The following CD2AP variants were observed in gnomAD, a reference collection of about 807,000 sequenced individuals.
CD2AP encodes CD2-associated protein.
Under a neutral mutation model 85.1 loss-of-function variants are expected in CD2AP, and 46 were observed. The ratio of observed to expected loss-of-function variants is 0.54; its 90% CI spans 0.43 to 0.69. CD2AP has a LOEUF of 0.69. Among genes scored for constraint, CD2AP ranks in the 30% least tolerant of loss-of-function variants. CD2AP has a pLI of 0.00. For missense variants in CD2AP, 769 were observed against 729.5 expected (o/e 1.05, Z -0.62); for synonymous variants, 255 against 252.9 (o/e 1.01, Z -0.08).
chr6:47,540,558 A>T (rs1211054799), intron 3 of CD2AP, among the ~76,000 whole-genome samples: 1 of 152,012 alleles, frequency 6.6e-6, no homozygotes, highest in Non-Finnish European at 1.5e-5. Context: ...CCTTTGATTA[A>T]ATCTTTTTTT....
chr6:47,512,297 G>T (rs1050283823), intron 2 of CD2AP, among the ~76,000 whole-genome samples: 1 of 152,256 alleles, frequency 6.6e-6, no homozygotes, highest in South Asian at 2.1e-4. Flanking sequence ...AGCCGAGATC[G>T]CACCACTGCA....
intron 1 of CD2AP, among the ~76,000 whole-genome samples, chr6:47,494,768 A>C (rs1172917288): frequency 6.6e-6 from 1 of 152,212 alleles, no homozygotes; most frequent in Non-Finnish European, 1.5e-5. Flanking sequence ...CAAGTCATCA[A>C]AATTACCATT....
chr6:47,502,740 C>T (rs1766028587), intron 1 of CD2AP, among the ~76,000 whole-genome samples: 1 of 152,064 alleles, frequency 6.6e-6, no homozygotes, highest in East Asian at 1.9e-4. Context: ...GATCTGCCTG[C>T]CTTGGCCTCC....
At chr6:47,510,485 A>C (rs879663607) in intron 2 of CD2AP, among the ~76,000 whole-genome samples, 2 of 152,134 alleles carry the variant, frequency 1.3e-5, no homozygotes, top group Non-Finnish European at 2.9e-5. Flanking sequence ...TTAAGTGGTT[A>C]AAAAAACAAA....
chr6:47,508,685 C>T (rs1305427500), intron 2 of CD2AP, among the ~76,000 whole-genome samples: 8 of 151,994 alleles, frequency 5.3e-5, no homozygotes, highest in East Asian at 1.9e-4. Context: ...GCTGGGATTA[C>T]AGGGGCGTGC....
intron 10 of CD2AP, among the ~76,000 whole-genome samples, chr6:47,581,693 T>C (rs1562042498): frequency 6.6e-6 from 1 of 152,188 alleles, no homozygotes; most frequent in Non-Finnish European, 1.5e-5. Flanking sequence ...AAGTGTTCAG[T>C]AGTCACATGT....
intron 8 of CD2AP, among the ~76,000 whole-genome samples, chr6:47,578,506 G>A (rs757780070): frequency 6.6e-6 from 1 of 152,142 alleles, no homozygotes; most frequent in African/African-American, 2.4e-5. Context: ...GAACCACTGT[G>A]CCTGGTCAAA....
chr6:47,524,970 A>C (rs112054827), intron 2 of CD2AP, among the ~76,000 whole-genome samples: 294 of 152,254 alleles, frequency 1.9e-3, no homozygotes, highest in African/African-American at 6.9e-3. Flanking sequence ...TTTGAACTTA[A>C]GTGCTTTAGT....
At chr6:47,600,895 A>G (rs1044705353) in intron 13 of CD2AP, among the ~76,000 whole-genome samples, 4 of 151,860 alleles carry the variant, frequency 2.6e-5, no homozygotes, top group Non-Finnish European at 5.9e-5. Context: ...TATATTTTAA[A>G]TTTTCACAAA....
intron 11 of CD2AP, among the ~76,000 whole-genome samples, chr6:47,591,306 T>G (rs1025406734): frequency 3.3e-5 from 5 of 152,158 alleles, no homozygotes; most frequent in Non-Finnish European, 7.4e-5. Flanking sequence ...TGTTCAGTTC[T>G]TGGCCTATGT....
intron 2 of CD2AP, among the ~76,000 whole-genome samples, chr6:47,519,319 C>G (rs1766526323): frequency 6.6e-6 from 1 of 151,962 alleles, no homozygotes; most frequent in African/African-American, 2.4e-5. Flanking sequence ...GGAATGAATT[C>G]CCTTTGAGAA....
chr6:47,582,049 A>G lies in CD2AP; in HGVS notation c.1092A>G (p.Leu364=), dbSNP rs140761836. 1.2e-6 allele frequency: 2 copies of G among 1,603,768 alleles called. No individual in the cohort carries two copies. The highest frequency in any genetic ancestry group is 1.7e-6 in the Non-Finnish European group (2 of 1,170,724). Residue 364 remains leucine (L), a synonymous_variant, in exon 11 of 18, where the codon TTA becomes TTG. Coordinates refer to ENST00000359314, the MANE Select transcript of CD2AP (RefSeq NM_012120.3). The part of the protein sequence containing the change: ...LIAAEKKYFS[L]KPEEKDEKST... ...CTGCAGAGAAGAAATATTTTTCTTTAAAGCCTGAAGAAAAGGGTGAGGCTA... is the reference window on the plus strand; with the variant it reads ...CTGCAGAGAAGAAATATTTTTCTTTGAAGCCTGAAGAAAAGGGTGAGGCTA...
rs1008064242 is a variant in CD2AP, at chr6:47,625,928, T to C, written c.*1701T>C. ...CAAAATTGTTCCCTCTTCTGTTAAATAGAATAGGTTTAAATGACTAGTCAA... is the reference window on the plus strand; with the variant it reads ...CAAAATTGTTCCCTCTTCTGTTAAACAGAATAGGTTTAAATGACTAGTCAA... On this transcript the variant is annotated 3_prime_UTR_variant, in exon 18 of 18. Transcript: ENST00000359314. The C allele has an allele frequency of 6.6e-6, 1 of 151,910 alleles. No individual in the cohort carries two copies. Among genetic ancestry groups the C allele is most frequent in the South Asian group, 2.1e-4 (1 of 4,834 alleles). 9.4% of individuals were successfully genotyped at this position (151,910 alleles called of 1,614,324 possible). A position where few individuals can be genotyped will look rare whatever the true frequency, so the allele number is the denominator to read the frequency against.
At chr6:47,604,415 T>G (rs1387516975) in intron 13 of CD2AP, among the ~76,000 whole-genome samples, 1 of 152,050 alleles carries the variant, frequency 6.6e-6, no homozygotes, top group Non-Finnish European at 1.5e-5. Flanking sequence ...ATGAGCATGG[T>G]GTATAATTTT....
At chr6:47,535,730 GAC>G (rs1218007933) in intron 3 of CD2AP, among the ~76,000 whole-genome samples, 1 of 152,120 alleles carries the variant, frequency 6.6e-6, no homozygotes, top group Admixed American at 6.6e-5. Flanking sequence ...GAGACTGGGG[GAC>G]AAATAACAGT....
chr6:47,543,181 AAAAAG>A (rs1470981908), intron 3 of CD2AP, among the ~76,000 whole-genome samples: 6 of 77,744 alleles, frequency 7.7e-5, no homozygotes, highest in South Asian at 1.1e-3. Flanking sequence ...AAGAAAAAGA[AAAAAG>A]AAAAAAAAGA....
Position 47,554,671 on chromosome 6 carries a change from C to T in CD2AP, c.446C>T (p.Thr149Ile). 1 of 1,613,572 alleles carries T rather than the reference C, an allele frequency of 6.2e-7. No individual in the cohort carries two copies. The highest frequency in any genetic ancestry group is 8.5e-7 in the Non-Finnish European group (1 of 1,179,714). Residue 149 changes from threonine to isoleucine, a missense_variant, in exon 5 of 18, where the codon ACC becomes ATC. Transcript: ENST00000359314. Reference sequence around the variant, plus strand: ...GTAGAAGAAGGCTGGTGGAGTGGAACCCTGAATAACAAGTTGGGACTGTTT... The same window carrying T: ...GTAGAAGAAGGCTGGTGGAGTGGAATCCTGAATAACAAGTTGGGACTGTTT... Reference protein sequence around the residue: ...EEVEEGWWSGTLNNKLGLFPS... With the variant: ...EEVEEGWWSGILNNKLGLFPS...
chr6:47,585,202 C>CT (rs577507436), intron 11 of CD2AP, among the ~76,000 whole-genome samples: 47,656 of 150,514 alleles, frequency 0.32, 8,580 homozygotes, highest in Middle Eastern at 0.51. Flanking sequence ...ACTCAGGAGG[C>CT]TGAGGCAGGA....
intron 1 of CD2AP, among the ~76,000 whole-genome samples, chr6:47,494,026 G>C (rs1320273662): frequency 6.6e-6 from 1 of 151,944 alleles, no homozygotes; most frequent in African/African-American, 2.4e-5. Flanking sequence ...TTTCCTGTCA[G>C]ATAACTAAAA....
Sources: gnomAD v4.1 joint callset for allele counts (sites outside exome capture counted in the v4.1 genomes callset) on GRCh38, gnomAD v4.1.1 for gene constraint, MANE v1.5 for transcripts, NCBI Gene and HGNC (gene_info 2026-07-23, HGNC 2026-07-21) for gene names.